The following UBE2E2 variants were observed in gnomAD, a reference collection of about 807,000 sequenced individuals.
UBE2E2 encodes the protein ubiquitin-conjugating enzyme E2 E2.
UBE2E2 carries 6 observed loss-of-function variants against 24.7 expected under a neutral mutation model. The observed-to-expected ratio is 0.24, with a 90% CI of 0.13 to 0.48. The LOEUF (loss-of-function observed/expected upper bound fraction) is 0.48, where lower values mean the gene tolerates loss of function less well. Ranked by LOEUF, UBE2E2 falls within the 20% of genes least tolerant of loss-of-function variation. The pLI, the probability that UBE2E2 is intolerant of heterozygous loss-of-function variation, is 0.99. For synonymous variants in UBE2E2, 104 were observed against 83.6 expected, an observed-to-expected ratio of 1.24 and a Z score of -1.33; for missense variants, 169 against 245.0, an observed-to-expected ratio of 0.69 and a Z score of 2.07.
Position 23,582,692 on chromosome 3 carries a change from G to T in UBE2E2, c.509-7042G>T, listed in dbSNP as rs541310499. ...TCCTATGCTTGTTGGCCACATATAT[G>T]CCTTCTTTTGAGAAATGTCTGTTCA... On this transcript the variant is annotated intron_variant, in intron 5 of 5. Coordinates refer to ENST00000396703, the MANE Select transcript of UBE2E2 (RefSeq NM_152653.4). Among the ~76,000 whole-genome samples the T allele has an allele frequency of 9.9e-5, 15 of 152,152 alleles. No homozygotes were observed. In the South Asian group the frequency reaches 2.5e-3, roughly 25 times the overall value.
At chr3:23,510,915 T>C (rs1416287740) in intron 4 of UBE2E2, among the ~76,000 whole-genome samples, 1 of 152,132 alleles carries the variant, frequency 6.6e-6, no homozygotes, top group African/African-American at 2.4e-5. Flanking sequence ...GCTGACACAA[T>C]AGTTCAGCCC....
At chr3:23,365,545 G>T (rs1362402515) in intron 3 of UBE2E2, among the ~76,000 whole-genome samples, 1 of 152,090 alleles carries the variant, frequency 6.6e-6, no homozygotes, top group Non-Finnish European at 1.5e-5. Context: ...AAATACTTAG[G>T]ATTGCAGCTA....
intron 3 of UBE2E2, among the ~76,000 whole-genome samples, chr3:23,219,843 C>T (rs17012829): frequency 0.11 from 16,223 of 152,080 alleles, 1,019 homozygotes; most frequent in South Asian, 0.22. Flanking sequence ...GAGTGGAGAA[C>T]GATTTTTTCT....
At chr3:23,374,459 A>G (rs1272324360) in intron 3 of UBE2E2, among the ~76,000 whole-genome samples, 1 of 152,196 alleles carries the variant, frequency 6.6e-6, no homozygotes, top group Non-Finnish European at 1.5e-5. Flanking sequence ...AACTATTGCT[A>G]ATATACTATA....
intron 3 of UBE2E2, among the ~76,000 whole-genome samples, chr3:23,323,103 A>T (rs1036118997): frequency 4.6e-5 from 7 of 152,102 alleles, no homozygotes; most frequent in Non-Finnish European, 2.9e-5. Context: ...GCTTAAACAA[A>T]TAATTATTTG....
chr3:23,257,512 G>GGCCCC (rs1697762836), intron 3 of UBE2E2, among the ~76,000 whole-genome samples: 5 of 31,148 alleles, frequency 1.6e-4, no homozygotes, highest in Non-Finnish European at 2.4e-4. Context: ...TGTTTCCCGT[G>GGCCCC]CCCCCCCCCC....
In UBE2E2 at chr3:23,278,034, G is replaced by A. The variant is rs1357853992; in HGVS notation, c.227+60722G>A. Among the ~76,000 whole-genome samples the A allele has an allele frequency of 4.6e-5, 7 of 152,160 alleles. No individual in the cohort carries two copies. In the East Asian group the frequency reaches 1.3e-3, roughly 29 times the overall value. On this transcript the variant is annotated intron_variant, in intron 3 of 5. Transcript: ENST00000396703. Reference sequence around the variant, plus strand: ...AAGTGAATAGTCAAATATCCAGTCGGCTTTTATGATTTGGGATTAAAGTAA... The same window carrying A: ...AAGTGAATAGTCAAATATCCAGTCGACTTTTATGATTTGGGATTAAAGTAA...
At chr3:23,446,699 G>T (rs1420032914) in intron 3 of UBE2E2, among the ~76,000 whole-genome samples, 85 of 112,210 alleles carry the variant, frequency 7.6e-4, no homozygotes, top group Admixed American at 2.0e-3. Context: ...CGTCTGTTTG[G>T]TTTTTTTTTT....
At chr3:23,462,617 C>G (rs951420544) in intron 3 of UBE2E2, among the ~76,000 whole-genome samples, 1 of 152,078 alleles carries the variant, frequency 6.6e-6, no homozygotes, top group Non-Finnish European at 1.5e-5. Context: ...AGGAACAGGA[C>G]AAGATTAAGT....
chr3:23,423,298 T>A (rs754967599), intron 3 of UBE2E2, among the ~76,000 whole-genome samples: 1 of 152,210 alleles, frequency 6.6e-6, no homozygotes, highest in East Asian at 1.9e-4. Context: ...TCTAATACAT[T>A]AGCAAAGTGA....
At chr3:23,429,892 T>A (rs919053177) in intron 3 of UBE2E2, among the ~76,000 whole-genome samples, 3 of 152,164 alleles carry the variant, frequency 2.0e-5, no homozygotes, top group African/African-American at 4.8e-5. Context: ...GCAGAATTTA[T>A]TTATTTGAGA....
chr3:23,444,537 C>T (rs1049359882), intron 3 of UBE2E2, among the ~76,000 whole-genome samples: 5 of 152,164 alleles, frequency 3.3e-5, no homozygotes, highest in African/African-American at 1.2e-4. Context: ...ACAAAGTCAA[C>T]CCTACTGTCA....
At chr3:23,440,634 T>C (rs1698283997) in intron 3 of UBE2E2, among the ~76,000 whole-genome samples, 1 of 152,128 alleles carries the variant, frequency 6.6e-6, no homozygotes, top group Non-Finnish European at 1.5e-5. Context: ...AACCGTTAGG[T>C]AAGATACTGA....
chr3:23,447,165 T>G (rs1698452829), intron 3 of UBE2E2, among the ~76,000 whole-genome samples: 1 of 152,220 alleles, frequency 6.6e-6, no homozygotes, highest in African/African-American at 2.4e-5. Context: ...GTTTATTTAA[T>G]TAATGCCAGT....
At chr3:23,270,208 A>G (rs1343777536) in intron 3 of UBE2E2, among the ~76,000 whole-genome samples, 1 of 125,898 alleles carries the variant, frequency 7.9e-6, no homozygotes, top group African/African-American at 3.0e-5. Flanking sequence ...CCTTTTGTGT[A>G]GTGGGCTCTC....
In UBE2E2 at chr3:23,290,548, G is replaced by A. The variant is rs116373933; in HGVS notation, c.227+73236G>A. On this transcript the variant is annotated intron_variant, in intron 3 of 5. Transcript: ENST00000396703. ...GCCTAGGCTGGTCTCCAACTCTTCCGTTCAAGTGATCCTCCCACTTCAGCT... is the reference window on the plus strand; with the variant it reads ...GCCTAGGCTGGTCTCCAACTCTTCCATTCAAGTGATCCTCCCACTTCAGCT... Among the ~76,000 whole-genome samples, 584 of 151,756 alleles carry A rather than the reference G, an allele frequency of 3.8e-3. 6 individuals carry two copies. The highest frequency in any genetic ancestry group is 0.013 in the African/African-American group (555 of 41,366).
At chr3:23,302,499 G>A (rs758095912) in intron 3 of UBE2E2, among the ~76,000 whole-genome samples, 42 of 152,012 alleles carry the variant, frequency 2.8e-4, no homozygotes, top group Non-Finnish European at 5.6e-4. Context: ...ATCTTCTCTG[G>A]TGACCTGAGC....
intron 3 of UBE2E2, among the ~76,000 whole-genome samples, chr3:23,298,083 C>T (rs1698961884): frequency 6.6e-6 from 1 of 152,002 alleles, no homozygotes; most frequent in Non-Finnish European, 1.5e-5. Context: ...ATTTGGCTCT[C>T]TGTTTGTCTC....
At chr3:23,501,128 CCTTT>C (rs1474415771) in intron 4 of UBE2E2, among the ~76,000 whole-genome samples, 1 of 152,152 alleles carries the variant, frequency 6.6e-6, no homozygotes, top group Non-Finnish European at 1.5e-5. Flanking sequence ...GATGTAAGGA[CCTTT>C]CTTTCTCAGC....
Sources: gnomAD v4.1 joint callset for allele counts (sites outside exome capture counted in the v4.1 genomes callset) on GRCh38, gnomAD v4.1.1 for gene constraint, MANE v1.5 for transcripts, NCBI Gene and HGNC (gene_info 2026-07-23, HGNC 2026-07-21) for gene names.